Variants in HPSE2 observed in about 807,000 individuals in gnomAD.
The protein encoded by HPSE2 is heparanase 2 (inactive), also known as inactive heparanase-2.
A neutral mutation model predicts 60.5 loss-of-function variants in HPSE2; 38 were observed. That is an observed-to-expected ratio of 0.63 (90% CI 0.48 to 0.82). The LOEUF (loss-of-function observed/expected upper bound fraction) is 0.82, where lower values mean the gene tolerates loss of function less well. Among genes scored for constraint, HPSE2 ranks in the 40% least tolerant of loss-of-function variants. The pLI is 0.00. For missense variants in HPSE2, 713 were observed against 740.4 expected (o/e 0.96, Z 0.43); for synonymous variants, 295 against 293.2 (o/e 1.01, Z -0.06).
chr10:98,855,949 G>A (rs1310858787), intron 3 of HPSE2, among the ~76,000 whole-genome samples: 3 of 152,094 alleles, frequency 2.0e-5, no homozygotes, highest in African/African-American at 7.2e-5. Flanking sequence ...CTAAGCACAA[G>A]GTAATGATAC....
At chr10:99,303,841 C>T in the HPSE2 span, among the ~76,000 whole-genome samples, 188 of 152,248 alleles carry the variant, frequency 1.2e-3, no homozygotes, top group Admixed American at 3.9e-3. Flanking sequence ...TATCTTTTCA[C>T]TAATTTTTTG....
chr10:99,259,535 G>A, the HPSE2 span, among the ~76,000 whole-genome samples: 1 of 152,162 alleles, frequency 6.6e-6, no homozygotes, highest in African/African-American at 2.4e-5. Context: ...ACGAAAAGAT[G>A]CTCAACATCA....
At chr10:99,185,163 G>A (rs1252659052) in intron 2 of HPSE2, among the ~76,000 whole-genome samples, 1 of 151,674 alleles carries the variant, frequency 6.6e-6, no homozygotes, top group African/African-American at 2.4e-5. Flanking sequence ...AATTAGCCAG[G>A]TGTGATGACG....
At chr10:99,225,782 T>C (rs774211348) in intron 2 of HPSE2, among the ~76,000 whole-genome samples, 5 of 151,994 alleles carry the variant, frequency 3.3e-5, no homozygotes, top group Non-Finnish European at 7.4e-5. Context: ...GCCAATTCCA[T>C]TTTACTATGC....
intron 2 of HPSE2, among the ~76,000 whole-genome samples, chr10:99,216,619 T>G (rs1849139052): frequency 6.6e-6 from 1 of 152,216 alleles, no homozygotes. Flanking sequence ...CCTCTGTAAT[T>G]TGCCTGTTCA....
chr10:98,846,799 T>C (rs967802032), intron 3 of HPSE2, among the ~76,000 whole-genome samples: 11 of 152,192 alleles, frequency 7.2e-5, no homozygotes, highest in African/African-American at 2.7e-4. Flanking sequence ...TTCAAACTCC[T>C]GGGCTCAAGG....
the HPSE2 span, among the ~76,000 whole-genome samples, chr10:99,310,083 T>C: frequency 6.6e-5 from 10 of 152,228 alleles, no homozygotes; most frequent in Non-Finnish European, 1.2e-4. Context: ...TATCACTCCA[T>C]CTTCACATTG....
intron 4 of HPSE2, among the ~76,000 whole-genome samples, chr10:98,735,943 T>C (rs1056107607): frequency 6.6e-6 from 1 of 152,118 alleles, no homozygotes; most frequent in African/African-American, 2.4e-5. Flanking sequence ...GGTTAAGACT[T>C]TGGGGTACTG....
the HPSE2 span, among the ~76,000 whole-genome samples, chr10:99,301,508 G>C: frequency 5.3e-5 from 8 of 152,176 alleles, no homozygotes; most frequent in Non-Finnish European, 1.2e-4. Context: ...CACCATGATT[G>C]TGAGGCTTCC....
chr10:99,083,657 G>A (rs1843218587), intron 3 of HPSE2, among the ~76,000 whole-genome samples: 1 of 152,162 alleles, frequency 6.6e-6, no homozygotes, highest in African/African-American at 2.4e-5. Context: ...GGGGCACGGG[G>A]AGATGGGTAG....
chr10:99,195,441 T>C (rs1479212886), intron 2 of HPSE2, among the ~76,000 whole-genome samples: 2 of 151,886 alleles, frequency 1.3e-5, no homozygotes, highest in African/African-American at 2.4e-5. Flanking sequence ...GTACATGATA[T>C]AATCTTATAT....
chr10:98,919,596 A>C (rs533014278), intron 3 of HPSE2, among the ~76,000 whole-genome samples: 29 of 152,328 alleles, frequency 1.9e-4, no homozygotes, highest in Admixed American at 5.9e-4. Context: ...TATATTCAAG[A>C]GATAAAATTA....
intron 6 of HPSE2, among the ~76,000 whole-genome samples, chr10:98,643,186 T>A (rs1229507595): frequency 6.6e-6 from 1 of 152,238 alleles, no homozygotes; most frequent in African/African-American, 2.4e-5. Context: ...AAATTCCAGA[T>A]CTGGTATTAA....
chr10:99,233,146 G>C (rs1849721839), intron 1 of HPSE2, among the ~76,000 whole-genome samples: 1 of 152,244 alleles, frequency 6.6e-6, no homozygotes, highest in South Asian at 2.1e-4. Flanking sequence ...ATCCCCGGAC[G>C]GAGAGATCCC....
rs939358856 is a variant in HPSE2, at chr10:98,458,573, C to T, written c.*1001G>A. 5 of 152,214 alleles carry T rather than the reference C, an allele frequency of 3.3e-5. No individual in the cohort carries two copies. Among genetic ancestry groups the T allele is most frequent in the Admixed American group, 1.3e-4 (2 of 15,276 alleles). The allele number at this position is 152,214 out of a possible 1,614,324, so 9.4% of individuals were successfully genotyped here. A position where few individuals can be genotyped will look rare whatever the true frequency, so the allele number is the denominator to read the frequency against. ...GTCTTCCAGTGATGACCTTGATTCA[C>T]ACTTTTTTCTTCTTTTTTAAAAATA... On this transcript the variant is annotated 3_prime_UTR_variant, in exon 12 of 12. Coordinates refer to ENST00000370552, the MANE Select transcript of HPSE2 (RefSeq NM_021828.5).
rs372161442 is a variant in HPSE2, at chr10:98,983,844, T to C, written c.610+160394A>G. ...TAGCAAATGGCACACTGGGAGATTA[T>C]ATCCTGCGCCTGGCTCGGAGGGACC... On this transcript the variant is annotated intron_variant, in intron 3 of 11. Transcript: ENST00000370552. Among the ~76,000 whole-genome samples the C allele has an allele frequency of 9.2e-5, 14 of 152,316 alleles. No individual in the cohort carries two copies. In the East Asian group the frequency reaches 2.7e-3, roughly 29 times the overall value.
intron 3 of HPSE2, among the ~76,000 whole-genome samples, chr10:98,991,141 C>T (rs1254938509): frequency 6.6e-6 from 1 of 152,154 alleles, no homozygotes; most frequent in African/African-American, 2.4e-5. Context: ...AGTGTTATAA[C>T]ACATAGGCTC....
intron 3 of HPSE2, among the ~76,000 whole-genome samples, chr10:98,848,238 C>T (rs948219019): frequency 1.1e-4 from 16 of 151,900 alleles, no homozygotes; most frequent in African/African-American, 3.4e-4. Flanking sequence ...GCTAACATGG[C>T]GAAAGCCCGT....
intron 3 of HPSE2, among the ~76,000 whole-genome samples, chr10:99,114,729 A>G (rs1844604984): frequency 6.6e-6 from 1 of 151,892 alleles, no homozygotes; most frequent in African/African-American, 2.4e-5. Context: ...CCTGGCTAAC[A>G]TGGTGAAATC....
Sources: allele counts gnomAD v4.1 joint callset (sites outside exome capture counted in the v4.1 genomes callset), GRCh38; gene constraint gnomAD v4.1.1; transcripts MANE v1.5; gene names NCBI Gene and HGNC (gene_info 2026-07-23, HGNC 2026-07-21).